FKBP5: variants seen among roughly 807,000 people sequenced by gnomAD.
The protein encoded by FKBP5 is FKBP prolyl isomerase 5.
Under a neutral mutation model 50.5 loss-of-function variants are expected in FKBP5, and 23 were observed. That is an observed-to-expected ratio of 0.46 (90% CI 0.33 to 0.65). The LOEUF is 0.65. Ranked by LOEUF, FKBP5 falls within the 30% of genes least tolerant of loss-of-function variation. The pLI is 0.02. For synonymous variants in FKBP5, 176 were observed against 190.6 expected, an observed-to-expected ratio of 0.92 and a Z score of 0.63; for missense variants, 411 against 553.1, an observed-to-expected ratio of 0.74 and a Z score of 2.58.
chr6:35,605,466 A>C (rs1187586493), intron 5 of FKBP5, among the ~76,000 whole-genome samples: 1 of 139,432 alleles, frequency 7.2e-6, no homozygotes, highest in Non-Finnish European at 1.5e-5. Context: ...TGCAACCATA[A>C]CTCACCGAAG....
chr6:35,596,933 G>T (rs1321771279), intron 6 of FKBP5, among the ~76,000 whole-genome samples: 1 of 152,100 alleles, frequency 6.6e-6, no homozygotes, highest in East Asian at 1.9e-4. Context: ...AAGGGAAGAG[G>T]GGGTAAGAGA....
At chr6:35,690,669 T>C (rs889158348), upstream of FKBP5, among the ~76,000 whole-genome samples, 6 of 152,180 alleles carry the variant, frequency 3.9e-5, no homozygotes, top group Non-Finnish European at 8.8e-5. Context: ...AAAATTCCTC[T>C]GCATACTAAT....
chr6:35,581,490 T>C, intron 8 of FKBP5: 4 of 767,264 alleles, frequency 5.2e-6, no homozygotes, highest in Non-Finnish European at 6.3e-6. Flanking sequence ...CTTAGGAGGC[T>C]GAGGCAGGAG....
intron 1 of FKBP5, among the ~76,000 whole-genome samples, chr6:35,657,170 G>A (rs1466605333): frequency 2.0e-5 from 3 of 152,128 alleles, no homozygotes; most frequent in Admixed American, 1.3e-4. Flanking sequence ...AGCTGAGATC[G>A]CGCCACTGCA....
intron 2 of FKBP5, among the ~76,000 whole-genome samples, chr6:35,699,548 C>G (rs1766141641): frequency 6.6e-6 from 1 of 152,120 alleles, no homozygotes; most frequent in African/African-American, 2.4e-5. Context: ...TTAATTCCCC[C>G]CAAAGTCTCA....
chr6:35,599,095 C>T (rs1393516189), intron 5 of FKBP5, among the ~76,000 whole-genome samples: 5 of 61,478 alleles, frequency 8.1e-5, no homozygotes, highest in Non-Finnish European at 9.6e-5. Flanking sequence ...TCTTTTCTAA[C>T]ACTGGCTGAT....
rs114726007 is a variant in FKBP5 at position 35,597,520 on chromosome 6, C to T, written c.509-116G>A. 8.5e-4 allele frequency: 1,014 copies of T among 1,193,708 alleles called. 6 individuals are homozygous for T. The African/African-American group carries it at 0.014, about 16-fold the overall frequency. The allele number at this position is 1,193,708 out of a possible 1,614,324, so 73.9% of individuals were successfully genotyped here. ...AAATACCATTTCCCCTTTCTCATTT[C>T]ATCAAGAGACACACACAGTGTGTCT... On this transcript the variant is annotated intron_variant, in intron 5 of 10. Transcript: ENST00000357266.
chr6:35,587,473 C>CT (rs1762638143), intron 7 of FKBP5, among the ~76,000 whole-genome samples: 2 of 152,248 alleles, frequency 1.3e-5, no homozygotes, highest in East Asian at 3.8e-4. Flanking sequence ...CTGCAAACCT[C>CT]TCCACTAGGC....
chr6:35,632,895 G>GA lies in FKBP5; in HGVS notation c.250+4118dup, dbSNP rs998925352. 3.1e-3 allele frequency among the ~76,000 whole-genome samples: 292 copies of GA among 94,082 alleles called. 1 individual carries two copies. The highest frequency in any genetic ancestry group is 6.5e-3 in the African/African-American group (165 of 25,400). 61.7% of individuals were successfully genotyped at this position (94,082 alleles called of 152,430 possible). ...CAAGAGTAAAACTCCGTCTCAGAAA[G>GA]AAAAAAAAAAAAAGAAAAGAGAAAA... On this transcript the variant is annotated intron_variant, in intron 3 of 10. Transcript: ENST00000357266.
upstream of FKBP5, among the ~76,000 whole-genome samples, chr6:35,692,790 C>CAA (rs71002588): frequency 0.019 from 2,040 of 105,362 alleles, 47 homozygotes; most frequent in Non-Finnish European, 0.026. Flanking sequence ...GACTCTGTCT[C>CAA]AAAAAAAAAA....
chr6:35,580,697 G>C (rs1762401693), intron 8 of FKBP5: 1 of 236,116 alleles, frequency 4.2e-6, no homozygotes, highest in South Asian at 1.6e-4. Context: ...CCGCCACCAA[G>C]CCCAGCTATT....
chr6:35,721,816 C>A (rs1766615968), intron 1 of FKBP5, among the ~76,000 whole-genome samples: 1 of 152,222 alleles, frequency 6.6e-6, no homozygotes, highest in African/African-American at 2.4e-5. Flanking sequence ...AAGAAACTAA[C>A]CTTCCTGACC....
chr6:35,615,560 GAAT>G, intron 5 of FKBP5, among the ~76,000 whole-genome samples: 1 of 152,148 alleles, frequency 6.6e-6, no homozygotes, highest in Middle Eastern at 3.4e-3. Context: ...GAATAGTAAT[GAAT>G]AATAACTTAT....
At chr6:35,696,076 C>T (rs182492459) in intron 2 of FKBP5, among the ~76,000 whole-genome samples, 43 of 135,004 alleles carry the variant, frequency 3.2e-4, no homozygotes, top group African/African-American at 1.1e-3. Context: ...ACCCAGGAGG[C>T]GGAGCTTGCG....
At chr6:35,580,261 A>AG (rs752837632) in intron 8 of FKBP5, 40 bp from the exon 9 acceptor site, 1 of 1,516,500 alleles carries the variant, frequency 6.6e-7, no homozygotes, top group South Asian at 1.2e-5. Flanking sequence ...TCAGCTCTTG[A>AG]GGGGGTACAA....
At chr6:35,631,096 CA>C (rs1764138727) in intron 3 of FKBP5, among the ~76,000 whole-genome samples, 1 of 152,122 alleles carries the variant, frequency 6.6e-6, no homozygotes, top group Non-Finnish European at 1.5e-5. Context: ...AAACAAAAAC[CA>C]AGGTGAGATA....
intron 6 of FKBP5, among the ~76,000 whole-genome samples, chr6:35,592,721 G>C (rs1047238566): frequency 3.9e-5 from 6 of 152,172 alleles, no homozygotes; most frequent in African/African-American, 1.4e-4. Context: ...TCTCAACCAG[G>C]TTGATTTTAA....
rs73729769 is a variant in FKBP5 at position 35,718,308 on chromosome 6, A to C, written c.-20+2020T>G. 6.5e-3 allele frequency among the ~76,000 whole-genome samples: 984 copies of C among 152,320 alleles called. 9 individuals are homozygous for C. The highest frequency in any genetic ancestry group is 0.023 in the African/African-American group (938 of 41,566). ...TCTGCAAGCTGCCTCCCGCATGTTCATGGAAGAAAGCTGAGGCCCAGAGAG... is the reference window on the plus strand; with the variant it reads ...TCTGCAAGCTGCCTCCCGCATGTTCCTGGAAGAAAGCTGAGGCCCAGAGAG... On this transcript the variant is annotated intron_variant, in intron 2 of 11. Coordinates refer to the FKBP5 transcript ENST00000536438.
intron 3 of FKBP5, among the ~76,000 whole-genome samples, chr6:35,626,526 A>C (rs913370186): frequency 9.9e-5 from 15 of 152,198 alleles, no homozygotes; most frequent in African/African-American, 3.6e-4. Context: ...TTACCATCTT[A>C]GCTATTTTAA....
Sources: allele counts gnomAD v4.1 joint callset (sites outside exome capture counted in the v4.1 genomes callset), GRCh38; gene constraint gnomAD v4.1.1; transcripts MANE v1.5; gene names NCBI Gene and HGNC (gene_info 2026-07-23, HGNC 2026-07-21).